The following HDGFL3 variants were observed in gnomAD, a reference collection of about 807,000 sequenced individuals.
HDGFL3 encodes the protein hepatoma-derived growth factor-related protein 3.
A neutral mutation model predicts 27.6 loss-of-function variants in HDGFL3; 6 were observed. The observed-to-expected ratio is 0.22, with a 90% CI of 0.12 to 0.43. The LOEUF is 0.43. HDGFL3 is among the 20% of genes least tolerant of loss of function. The probability of loss-of-function intolerance (pLI) is 1.00; values close to 1 mark genes in which losing one functional copy is unlikely to be tolerated. For synonymous variants in HDGFL3, 88 were observed against 88.9 expected (o/e 0.99, Z 0.05); for missense variants, 207 against 250.1 (o/e 0.83, Z 1.16).
intron 5 of HDGFL3, among the ~76,000 whole-genome samples, chr15:83,146,051 C>CAA (rs1479954036): frequency 6.6e-6 from 1 of 151,578 alleles, no homozygotes; most frequent in African/African-American, 2.4e-5. Flanking sequence ...CCTGTGACTA[C>CAA]AAGTGTGCAC....
rs2036225962 is a variant in HDGFL3, at chr15:83,131,287, A to C, written c.*7983T>G. ...GAATCTATGCAACTTAGTAAGGGAA[A>C]AAAAAACCACCTTTGAAAAGTTCTA... On this transcript the variant is annotated 3_prime_UTR_variant, in exon 6 of 6. Coordinates refer to ENST00000299633, the MANE Select transcript of HDGFL3 (RefSeq NM_016073.4). 1 of 152,150 alleles carries C rather than the reference A, an allele frequency of 6.6e-6. No individual in the cohort carries two copies. The highest frequency in any genetic ancestry group is 2.4e-5 in the African/African-American group (1 of 41,404). 9.4% of individuals were successfully genotyped at this position (152,150 alleles called of 1,614,324 possible). A position where few individuals can be genotyped will look rare whatever the true frequency, so the allele number is the denominator to read the frequency against.
intron 5 of HDGFL3, among the ~76,000 whole-genome samples, chr15:83,141,939 C>G (rs1457217325): frequency 1.3e-5 from 2 of 152,174 alleles, no homozygotes; most frequent in East Asian, 1.9e-4. Context: ...TATCGCTGAT[C>G]ATTAGAGAAA....
intron 1 of HDGFL3, among the ~76,000 whole-genome samples, chr15:83,169,414 CAAAAAAAAAAAAAAAA>C (rs58159581): frequency 1.1e-3 from 38 of 35,574 alleles, no homozygotes; most frequent in East Asian, 5.0e-3. Flanking sequence ...GACTCCGTCT[CAAAAAAAAAAAAAAAA>C]AAAAAAAAAA....
At chr15:83,112,957 C>T in exon 4 of HDGFL3, 4 of 1,378,788 alleles carry the variant, frequency 2.9e-6, no homozygotes, top group African/African-American at 1.4e-5. Context: ...ATACTTTCAG[C>T]CTCAGTCACA....
chr15:83,113,244 C>CA (rs1378141716), exon 4 of HDGFL3: 11 of 377,232 alleles, frequency 2.9e-5, no homozygotes, highest in Non-Finnish European at 5.5e-5. Flanking sequence ...CAGTCCCCCC[C>CA]ACTTAGTGCA....
Position 83,188,292 on chromosome 15 carries a change from C to T in HDGFL3, c.84+19039G>A, listed in dbSNP as rs546925803. On this transcript the variant is annotated intron_variant, in intron 1 of 5. Coordinates refer to ENST00000299633, the MANE Select transcript of HDGFL3 (RefSeq NM_016073.4). Reference sequence around the variant, plus strand: ...TTTTTGAGACAGGGTTTCACTCTGTCGCCCAGGCTGGAGGGCAGTGGTGAT... The same window carrying T: ...TTTTTGAGACAGGGTTTCACTCTGTTGCCCAGGCTGGAGGGCAGTGGTGAT... Among the ~76,000 whole-genome samples, 37 of 152,256 alleles carry T rather than the reference C, an allele frequency of 2.4e-4. No individual in the cohort carries two copies. In the South Asian group the frequency reaches 7.1e-3, roughly 29 times the overall value.
rs538026192 is a variant in HDGFL3 at position 83,132,968 on chromosome 15, C to T, written c.*6302G>A. ...ACAAAGGGCCCAGATTTTCTACAGTCGAGCACCAGATCATGAATGGGTATT... is the reference window on the plus strand; with the variant it reads ...ACAAAGGGCCCAGATTTTCTACAGTTGAGCACCAGATCATGAATGGGTATT... On this transcript the variant is annotated 3_prime_UTR_variant, in exon 6 of 6. Coordinates refer to ENST00000299633, the MANE Select transcript of HDGFL3 (RefSeq NM_016073.4). The T allele has an allele frequency of 1.4e-4, 22 of 152,320 alleles. No individual in the cohort carries two copies. The East Asian group carries it at 4.0e-3, about 28-fold the overall frequency. 9.4% of individuals were successfully genotyped at this position (152,320 alleles called of 1,614,324 possible).
intron 5 of HDGFL3, among the ~76,000 whole-genome samples, chr15:83,150,129 G>T (rs1448300152): frequency 6.6e-6 from 1 of 151,980 alleles, no homozygotes; most frequent in African/African-American, 2.4e-5. Context: ...GTATTAAGGG[G>T]GTAGGACAAC....
At position 83,135,571 on chromosome 15, in the gene HDGFL3, C is replaced by T. The variant is rs1398413674; in HGVS notation, c.*3699G>A. 1.3e-5 allele frequency: 2 copies of T among 152,124 alleles called. No individual in the cohort carries two copies. 9.4% of individuals were successfully genotyped at this position (152,124 alleles called of 1,614,324 possible). On this transcript the variant is annotated 3_prime_UTR_variant, in exon 6 of 6. Coordinates refer to ENST00000299633, the MANE Select transcript of HDGFL3 (RefSeq NM_016073.4). ...CAAGCCTTCTGAGGAAATTTTCTGA[C>T]AGGAGCTTTTAATCCTGCTGTGGTC...
Position 83,138,671 on chromosome 15 carries a change from A to G in HDGFL3, c.*599T>C, listed in dbSNP as rs926017483. 5 of 152,602 alleles carry G rather than the reference A, an allele frequency of 3.3e-5. No individual in the cohort carries two copies. Among genetic ancestry groups the G allele is most frequent in the African/African-American group, 7.2e-5 (3 of 41,476 alleles). The allele number at this position is 152,602 out of a possible 1,614,324, so 9.5% of individuals were successfully genotyped here. On this transcript the variant is annotated 3_prime_UTR_variant, in exon 6 of 6. Coordinates refer to ENST00000299633, the MANE Select transcript of HDGFL3 (RefSeq NM_016073.4). Reference sequence around the variant, plus strand: ...ACATATAGAAACTTAGTTTGTGTACATAACAATATGAATTTTGAGAAGTAT... The same window carrying G: ...ACATATAGAAACTTAGTTTGTGTACGTAACAATATGAATTTTGAGAAGTAT...
chr15:83,144,390 A>T (rs1213785135), intron 5 of HDGFL3: 1 of 455,746 alleles, frequency 2.2e-6, no homozygotes, highest in Non-Finnish European at 4.4e-6. Context: ...GGCTGGACCT[A>T]GTGACTTGCT....
chr15:83,193,914 A>T (rs2037540973), intron 1 of HDGFL3, among the ~76,000 whole-genome samples: 1 of 152,136 alleles, frequency 6.6e-6, no homozygotes, highest in Non-Finnish European at 1.5e-5. Context: ...CTGCTGCTAT[A>T]CGCTGCCACG....
At chr15:83,166,465 C>A (rs796783352) in intron 1 of HDGFL3, among the ~76,000 whole-genome samples, 4 of 152,158 alleles carry the variant, frequency 2.6e-5, no homozygotes, top group African/African-American at 9.7e-5. Flanking sequence ...TAAGGAAGTT[C>A]TAAATACGGA....
intron 2 of HDGFL3, among the ~76,000 whole-genome samples, chr15:83,160,737 G>A (rs1306132377): frequency 6.6e-6 from 1 of 152,146 alleles, no homozygotes; most frequent in African/African-American, 2.4e-5. Context: ...TTTCAGACGA[G>A]AGGTTAACAG....
intron 4 of HDGFL3, among the ~76,000 whole-genome samples, chr15:83,153,747 TTGA>T (rs2036992405): frequency 6.6e-6 from 1 of 152,186 alleles, no homozygotes; most frequent in Non-Finnish European, 1.5e-5. Flanking sequence ...CAAAATATTT[TTGA>T]CCTATGATTT....
intron 1 of HDGFL3, among the ~76,000 whole-genome samples, chr15:83,178,276 G>T (rs1447282867): frequency 6.6e-6 from 1 of 152,164 alleles, no homozygotes; most frequent in Non-Finnish European, 1.5e-5. Flanking sequence ...TTTGTTTTCT[G>T]TGTCAAAATA....
chr15:83,178,430 T>C (rs1202428579), intron 1 of HDGFL3, among the ~76,000 whole-genome samples: 2 of 152,216 alleles, frequency 1.3e-5, no homozygotes, highest in Non-Finnish European at 2.9e-5. Flanking sequence ...TGTCATACTC[T>C]TAAGTTTGTT....
At chr15:83,153,551 A>AT (rs934679863) in intron 4 of HDGFL3, among the ~76,000 whole-genome samples, 3 of 152,142 alleles carry the variant, frequency 2.0e-5, no homozygotes, top group Non-Finnish European at 4.4e-5. Flanking sequence ...AGCTTTTCAG[A>AT]TTACTGAAAC....
At chr15:83,197,582 G>T (rs907732040) in intron 1 of HDGFL3, among the ~76,000 whole-genome samples, 2 of 152,098 alleles carry the variant, frequency 1.3e-5, no homozygotes, top group African/African-American at 4.8e-5. Context: ...CCACAAACCT[G>T]CCCTATCTTC....
Sources: allele counts gnomAD v4.1 joint callset (sites outside exome capture counted in the v4.1 genomes callset), GRCh38; gene constraint gnomAD v4.1.1; transcripts MANE v1.5; gene names NCBI Gene and HGNC (gene_info 2026-07-23, HGNC 2026-07-21).